NMNAT3: variants seen among roughly 807,000 people sequenced by gnomAD.
NMNAT3 encodes nicotinamide nucleotide adenylyltransferase 3.
NMNAT3 carries 21 observed loss-of-function variants against 24.8 expected under a neutral mutation model. That is an observed-to-expected ratio of 0.85 (90% CI 0.60 to 1.22). NMNAT3 has a LOEUF of 1.22. NMNAT3 is among the 50% of genes most tolerant of loss of function. The pLI, the probability that NMNAT3 is intolerant of heterozygous loss-of-function variation, is 0.00. For synonymous variants in NMNAT3, 136 were observed against 155.2 expected (o/e 0.88, Z 0.92); for missense variants, 387 against 436.6 (o/e 0.89, Z 1.01).
At position 139,614,973 on chromosome 3, in the gene NMNAT3, C is replaced by T. The variant is rs553352141; in HGVS notation, c.109+12643G>A. Among the ~76,000 whole-genome samples, 5 of 152,206 alleles carry T rather than the reference C, an allele frequency of 3.3e-5. No homozygotes were observed. In the South Asian group the frequency reaches 1.0e-3, roughly 32 times the overall value. ...ATTGGCATTCTACTGTAAGAAAGAG[C>T]CTTCCCCTTTTTTGCATTTGTTTGT... is the stretch of plus-strand genomic sequence containing the variant. On this transcript the variant is annotated intron_variant, in intron 3 of 6. Coordinates refer to ENST00000643695, the MANE Select transcript of NMNAT3 (RefSeq NM_001320510.2).
chr3:139,588,335 T>A (rs1384911289), intron 3 of NMNAT3, among the ~76,000 whole-genome samples: 3 of 152,176 alleles, frequency 2.0e-5, no homozygotes, highest in African/African-American at 7.2e-5. Flanking sequence ...TTAGTTAGAA[T>A]GAAGATATAC....
chr3:139,604,002 C>A (rs1293870518), intron 3 of NMNAT3, among the ~76,000 whole-genome samples: 1 of 152,150 alleles, frequency 6.6e-6, no homozygotes, highest in Non-Finnish European at 1.5e-5. Context: ...TCAAGTGGAA[C>A]CAGACATGGT....
intron 6 of NMNAT3, among the ~76,000 whole-genome samples, chr3:139,571,670 G>T (rs1405345920): frequency 6.6e-6 from 1 of 152,158 alleles, no homozygotes; most frequent in Non-Finnish European, 1.5e-5. Context: ...GTGGGCTTTG[G>T]CAGAGGGAGA....
In NMNAT3 at chr3:139,599,014, T is replaced by C. The variant is rs1052778452; in HGVS notation, c.110-15806A>G. Reference sequence around the variant, plus strand: ...ATGGAAAAACTGCCCCTTCTAGAGCTGACCATCCCCCTCAGCAAGACTGGG... The same window carrying C: ...ATGGAAAAACTGCCCCTTCTAGAGCCGACCATCCCCCTCAGCAAGACTGGG... On this transcript the variant is annotated intron_variant, in intron 3 of 6. Transcript: ENST00000643695. 1.7e-5 allele frequency: 6 copies of C among 348,050 alleles called. No individual in the cohort carries two copies. The Admixed American group carries it at 1.8e-4, about 10-fold the overall frequency. The allele number at this position is 348,050 out of a possible 1,614,324, so 21.6% of individuals were successfully genotyped here.
chr3:139,576,928 G>T (rs1036948736), intron 5 of NMNAT3, among the ~76,000 whole-genome samples: 1 of 151,880 alleles, frequency 6.6e-6, no homozygotes, highest in Non-Finnish European at 1.5e-5. Context: ...ATGGTGGTGT[G>T]TGCCTGTAAT....
At chr3:139,600,994 C>T (rs1278266980) in intron 3 of NMNAT3, among the ~76,000 whole-genome samples, 7 of 152,136 alleles carry the variant, frequency 4.6e-5, no homozygotes, top group Non-Finnish European at 7.4e-5. Context: ...GTCTCATGGC[C>T]CCTCAAAAAC....
Position 139,677,853 on chromosome 3 carries a change from CT to C in NMNAT3, c.-290del, listed in dbSNP as rs2057985011. The C allele has an allele frequency of 6.6e-6, 1 of 152,234 alleles. No individual in the cohort carries two copies. The highest frequency in any genetic ancestry group is 1.5e-5 in the Non-Finnish European group (1 of 68,088). The allele number at this position is 152,234 out of a possible 1,614,324, so 9.4% of individuals were successfully genotyped here. A position where few individuals can be genotyped will look rare whatever the true frequency, so the allele number is the denominator to read the frequency against. ...AGGGAAACGACGTTTGGTCTCGGGA[CT>C]CAAGGCTGCCTCCGGCCCGGGCAGC... On this transcript the variant is annotated 5_prime_UTR_variant, in exon 1 of 7. Transcript: ENST00000643695.
intron 1 of NMNAT3, among the ~76,000 whole-genome samples, chr3:139,661,144 T>C (rs944687428): frequency 2.0e-5 from 3 of 152,176 alleles, no homozygotes; most frequent in African/African-American, 7.2e-5. Flanking sequence ...CTGTTTCTTA[T>C]TTACTTGATT....
At chr3:139,633,460 G>A (rs138945398) in intron 2 of NMNAT3, among the ~76,000 whole-genome samples, 93 of 152,226 alleles carry the variant, frequency 6.1e-4, no homozygotes, top group African/African-American at 2.1e-3. Flanking sequence ...GATTACAGGC[G>A]TGAGCCACTG....
At chr3:139,567,770 G>C (rs9755911) in intron 6 of NMNAT3, 7 of 151,876 alleles carry the variant, frequency 4.6e-5, no homozygotes, top group African/African-American at 1.7e-4. Flanking sequence ...TTTTTGCATC[G>C]ATGTTCATCA....
intron 5 of NMNAT3, among the ~76,000 whole-genome samples, chr3:139,574,988 C>T (rs1939080038): frequency 6.6e-6 from 1 of 152,052 alleles, no homozygotes; most frequent in African/African-American, 2.4e-5. Context: ...GAACCTGCCC[C>T]AGAGAGCTGG....
chr3:139,628,296 C>T lies in NMNAT3; in HGVS notation c.-40-532G>A, dbSNP rs114581728. 5.9e-3 allele frequency among the ~76,000 whole-genome samples: 892 copies of T among 152,298 alleles called. 11 individuals are homozygous for T. The highest frequency in any genetic ancestry group is 0.02 in the African/African-American group (833 of 41,566). Reference sequence around the variant, plus strand: ...GTTTTATACTCTTTATCCAGATTCCCCAATGTTAACATTTTACCACACTTG... The same window carrying T: ...GTTTTATACTCTTTATCCAGATTCCTCAATGTTAACATTTTACCACACTTG... On this transcript the variant is annotated intron_variant, in intron 2 of 6. Transcript: ENST00000643695.
intron 2 of NMNAT3, among the ~76,000 whole-genome samples, chr3:139,628,401 A>T (rs1271581405): frequency 1.3e-5 from 2 of 152,260 alleles, no homozygotes; most frequent in Non-Finnish European, 2.9e-5. Context: ...AGTCATAGAC[A>T]TAAAATCTCT....
chr3:139,582,601 C>T (rs1419098560), intron 4 of NMNAT3, among the ~76,000 whole-genome samples: 1 of 116,034 alleles, frequency 8.6e-6, no homozygotes, highest in Non-Finnish European at 1.6e-5. Flanking sequence ...AAGATTGCAC[C>T]ATTGCACTCC....
intron 6 of NMNAT3, among the ~76,000 whole-genome samples, chr3:139,561,903 T>C (rs999269184): frequency 6.6e-6 from 1 of 152,232 alleles, no homozygotes; most frequent in Non-Finnish European, 1.5e-5. Flanking sequence ...AAAGGCTCTT[T>C]GGATAAACAA....
intron 1 of NMNAT3, among the ~76,000 whole-genome samples, chr3:139,648,915 TGTTATAA>T (rs2056963074): frequency 6.7e-6 from 1 of 149,610 alleles, no homozygotes; most frequent in South Asian, 2.2e-4. Context: ...AAGCAATCTG[TGTTATAA>T]TATACAGAAA....
chr3:139,672,816 A>C (rs1158865124), intron 1 of NMNAT3: 2 of 152,208 alleles, frequency 1.3e-5, no homozygotes, highest in African/African-American at 2.4e-5. Flanking sequence ...TGTTTGGATC[A>C]CATCTTATTT....
chr3:139,582,152 G>T (rs1172578346), intron 4 of NMNAT3, among the ~76,000 whole-genome samples: 1 of 122,718 alleles, frequency 8.1e-6, no homozygotes, highest in East Asian at 2.6e-4. Context: ...CCGAGATTAC[G>T]CCACTGTGAG....
chr3:139,674,530 A>G (rs551349127), intron 1 of NMNAT3, among the ~76,000 whole-genome samples: 1 of 152,360 alleles, frequency 6.6e-6, no homozygotes, highest in South Asian at 2.1e-4. Context: ...GTGGTTTAAC[A>G]TAGATGTATG....
Sources: allele counts gnomAD v4.1 joint callset (sites outside exome capture counted in the v4.1 genomes callset), GRCh38; gene constraint gnomAD v4.1.1; transcripts MANE v1.5; gene names NCBI Gene and HGNC (gene_info 2026-07-23, HGNC 2026-07-21).